PCDHGB3: variants seen among roughly 807,000 people sequenced by gnomAD.
PCDHGB3 encodes the protein protocadherin gamma-B3.
In PCDHGB3, 40 loss-of-function variants were observed where a neutral mutation model predicts 59.2. The observed-to-expected ratio is 0.68, with a 90% confidence interval of 0.52 to 0.88. The LOEUF is 0.88. Among genes scored for constraint, PCDHGB3 ranks in the 40% least tolerant of loss-of-function variants. PCDHGB3 has a pLI of 0.00. For synonymous variants in PCDHGB3, 581 were observed against 503.6 expected, an observed-to-expected ratio of 1.15 and a Z score of -2.06; for missense variants, 1,309 against 1,187.9, an observed-to-expected ratio of 1.10 and a Z score of -1.50.
Position 141,432,670 on chromosome 5 carries a change from G to A in PCDHGB3, c.2415+59861G>A, listed in dbSNP as rs749221752. ...CGCGAGCCCTGCTGGACAGAGACGC[G>A]CTCAAGCAGAGCCTCGTAGTGGCCG... On this transcript the variant is annotated intron_variant, in intron 1 of 3. Coordinates refer to ENST00000576222, the MANE Select transcript of PCDHGB3 (RefSeq NM_018924.5). The surrounding 1 kb of genome is among the most constrained non-coding windows in gnomAD (Gnocchi z 6.0). The A allele has an allele frequency of 6.8e-6, 11 of 1,613,748 alleles. No individual in the cohort carries two copies. The East Asian group carries it at 1.8e-4, about 26-fold the overall frequency.
At chr5:141,505,816 C>A (rs1236221927) in intron 3 of PCDHGB3, among the ~76,000 whole-genome samples, 2 of 152,178 alleles carry the variant, frequency 1.3e-5, no homozygotes, top group African/African-American at 4.8e-5. Flanking sequence ...CTTGCTCAAT[C>A]TCTCTAAACC....
chr5:141,509,839 T>C (rs1277859334), intron 3 of PCDHGB3, among the ~76,000 whole-genome samples: 4 of 152,162 alleles, frequency 2.6e-5, no homozygotes, highest in Non-Finnish European at 5.9e-5. Context: ...CTACCTCCCA[T>C]TCACTCAGAA....
At chr5:141,377,770 T>A (rs1774342115) in intron 1 of PCDHGB3, 1 of 152,210 alleles carries the variant, frequency 6.6e-6, no homozygotes, top group South Asian at 2.1e-4. Flanking sequence ...ATCTTTGGTG[T>A]TAAAAGACCT....
chr5:141,483,009 C>T (rs538900128), intron 1 of PCDHGB3, among the ~76,000 whole-genome samples: 4 of 151,942 alleles, frequency 2.6e-5, no homozygotes, highest in Non-Finnish European at 5.9e-5. Flanking sequence ...TGCTTGAACC[C>T]GGGAGGCAGA....
intron 2 of PCDHGB3, among the ~76,000 whole-genome samples, chr5:141,495,193 T>C (rs1471524188): frequency 6.6e-6 from 1 of 152,192 alleles, no homozygotes; most frequent in Admixed American, 6.5e-5. Context: ...TCTATGCCCA[T>C]GTACTGCCTA....
In PCDHGB3 at chr5:141,512,022, C is replaced by T. The variant is rs2154594692; in HGVS notation, c.*849C>T. The T allele has an allele frequency of 6.5e-6, 1 of 152,990 alleles. No individual in the cohort carries two copies. The highest frequency in any genetic ancestry group is 1.9e-4 in the East Asian group (1 of 5,186). The allele number at this position is 152,990 out of a possible 1,614,324, so 9.5% of individuals were successfully genotyped here. A position where few individuals can be genotyped will look rare whatever the true frequency, so the allele number is the denominator to read the frequency against. The stretch of plus-strand genomic sequence containing the variant: ...AGCTTGACACATCAAGTTATCAAGG[C>T]CTTGGAGGAGGCTCTGTATGTCCTC... On this transcript the variant is annotated 3_prime_UTR_variant, in exon 4 of 4. Transcript: ENST00000576222.
chr5:141,423,574 C>T (rs953989787), intron 1 of PCDHGB3: 2 of 1,613,328 alleles, frequency 1.2e-6, no homozygotes, highest in Non-Finnish European at 1.7e-6. Flanking sequence ...GCTCATCAGC[C>T]AGGAGAGCTG....
chr5:141,422,928 C>T lies in PCDHGB3; in HGVS notation c.2415+50119C>T, dbSNP rs781145334. 4 of 1,614,128 alleles carry T rather than the reference C, an allele frequency of 2.5e-6. No individual in the cohort carries two copies. In the African/African-American group the frequency reaches 4.0e-5, roughly 16 times the overall value. On this transcript the variant is annotated intron_variant, in intron 1 of 3. Transcript: ENST00000576222. ...ATGCGCCCGAGATCCTGTACCCTGC[C>T]CTCCCCACAGACGGCTCCACTGGCG...
At chr5:141,376,042 T>G (rs768343920) in intron 1 of PCDHGB3, 34 of 1,613,010 alleles carry the variant, frequency 2.1e-5, no homozygotes, top group Middle Eastern at 1.7e-4. Flanking sequence ...GCCAGCCCCC[T>G]CTCTCCGCCA....
intron 1 of PCDHGB3, chr5:141,404,696 G>A (rs757662807): frequency 6.2e-7 from 1 of 1,614,104 alleles, no homozygotes; most frequent in Non-Finnish European, 8.5e-7. Context: ...ACCCCGCTCT[G>A]CAGAGCCTGG....
intron 1 of PCDHGB3, chr5:141,433,196 C>A (rs750657930): frequency 4.4e-6 from 7 of 1,575,116 alleles, no homozygotes; most frequent in African/African-American, 1.4e-5. Context: ...GAGTTTATAT[C>A]AAATCTTCTT....
At position 141,425,978 on chromosome 5, in the gene PCDHGB3, A is replaced by T. The variant is rs182438141; in HGVS notation, c.2415+53169A>T. Among the ~76,000 whole-genome samples the T allele has an allele frequency of 3.9e-3, 592 of 152,340 alleles. 5 individuals carry two copies. Among genetic ancestry groups the T allele is most frequent in the African/African-American group, 0.014 (563 of 41,588 alleles). ...AGTCCAACACATCAGTCTAATTCTG[A>T]ATCCCATTGAATTAGCAAAGGCTTC... On this transcript the variant is annotated intron_variant, in intron 1 of 3. Coordinates refer to ENST00000576222, the MANE Select transcript of PCDHGB3 (RefSeq NM_018924.5).
intron 3 of PCDHGB3, among the ~76,000 whole-genome samples, 153 bp from the exon 4 acceptor site, chr5:141,510,790 GAAGA>G (rs982513431): frequency 6.6e-5 from 10 of 152,264 alleles, no homozygotes; most frequent in African/African-American, 2.4e-4. Context: ...CAACTCTTGT[GAAGA>G]GAGACTACCT....
chr5:141,420,845 G>T (rs1038454602), intron 1 of PCDHGB3, among the ~76,000 whole-genome samples: 4 of 152,200 alleles, frequency 2.6e-5, no homozygotes, highest in Non-Finnish European at 4.4e-5. Context: ...GGTGTTCTTG[G>T]TAAAGTTTTA....
intron 1 of PCDHGB3, chr5:141,395,360 G>A (rs2093220996): frequency 3.9e-6 from 5 of 1,290,318 alleles, no homozygotes; most frequent in Non-Finnish European, 5.2e-6. Context: ...AGAGTTTTGG[G>A]TTTATTTTGG....
At chr5:141,392,925 G>A (rs1230996735) in intron 1 of PCDHGB3, 22 of 1,613,946 alleles carry the variant, frequency 1.4e-5, no homozygotes, top group Non-Finnish European at 1.9e-5. Flanking sequence ...TGTGCCAGAA[G>A]AGACGGACAA....
chr5:141,487,351 T>A lies in PCDHGB3; in HGVS notation c.2416-7456T>A. 6.2e-7 allele frequency: 1 copy of A among 1,614,210 alleles called. No individual in the cohort carries two copies. The highest frequency in any genetic ancestry group is 8.5e-7 in the Non-Finnish European group (1 of 1,180,038). On this transcript the variant is annotated intron_variant, in intron 1 of 3. Transcript: ENST00000576222. The surrounding 1 kb of genome is among the most constrained non-coding windows in gnomAD (Gnocchi z 5.0). ...GGGCAGCCTGTGGAGTCACATGCTT[T>A]CCTGCTGGCACCTGTGCCTGTCTCA...
intron 2 of PCDHGB3, among the ~76,000 whole-genome samples, chr5:141,504,178 A>C (rs572543892): frequency 4.5e-4 from 69 of 152,366 alleles, no homozygotes; most frequent in Non-Finnish European, 7.6e-4. Context: ...AAATTCAAAA[A>C]AATCATGAAA....
intron 1 of PCDHGB3, chr5:141,430,789 C>A (rs2097310124): frequency 6.6e-7 from 1 of 1,515,808 alleles, no homozygotes; most frequent in Non-Finnish European, 8.8e-7. Context: ...ACCGGGACTA[C>A]AAAGGGCTTG....
Sources: gnomAD v4.1 joint callset for allele counts (sites outside exome capture counted in the v4.1 genomes callset) on GRCh38, gnomAD v4.1.1 for gene constraint, Gnocchi (gnomAD v3.1) non-coding constraint, MANE v1.5 for transcripts, NCBI Gene and HGNC (gene_info 2026-07-23, HGNC 2026-07-21) for gene names.